The following MAP4K4 variants were observed in gnomAD, a reference collection of about 807,000 sequenced individuals.
MAP4K4 encodes mitogen-activated protein kinase kinase kinase kinase 4.
Under a neutral mutation model 189.6 loss-of-function variants are expected in MAP4K4, and 38 were observed. The observed-to-expected ratio is 0.20, with a 90% CI of 0.15 to 0.26. The LOEUF is 0.26. Ranked by LOEUF, MAP4K4 falls within the 10% of genes least tolerant of loss-of-function variation. MAP4K4 has a pLI of 1.00. For missense variants in MAP4K4, 1,054 were observed against 1,726.9 expected, an observed-to-expected ratio of 0.61 and a Z score of 6.91; for synonymous variants, 610 against 624.3, an observed-to-expected ratio of 0.98 and a Z score of 0.34.
intron 3 of MAP4K4, among the ~76,000 whole-genome samples, chr2:101,813,295 A>C (rs1237148574): frequency 6.6e-6 from 1 of 152,200 alleles, no homozygotes; most frequent in African/African-American, 2.4e-5. Flanking sequence ...GATAAAATAC[A>C]AATAGTACTC....
chr2:101,823,612 C>T (rs1054174317), intron 3 of MAP4K4, among the ~76,000 whole-genome samples: 6 of 152,116 alleles, frequency 3.9e-5, no homozygotes, highest in Admixed American at 6.5e-5. Flanking sequence ...CTGAACAAAC[C>T]GAGGCTCAGA....
At chr2:101,731,151 C>A (rs2058287481) in intron 2 of MAP4K4, among the ~76,000 whole-genome samples, 1 of 151,644 alleles carries the variant, frequency 6.6e-6, no homozygotes, top group South Asian at 2.1e-4. Context: ...CAGTTTCATT[C>A]TGCTGCCCAG....
At chr2:101,783,282 A>G (rs571698437) in intron 2 of MAP4K4, among the ~76,000 whole-genome samples, 3 of 12,204 alleles carry the variant, frequency 2.5e-4, no homozygotes, top group African/African-American at 1.3e-3. Context: ...GTTTTTCTGG[A>G]AAAAAAAAAG....
chr2:101,754,205 A>G (rs2070904744), intron 2 of MAP4K4, among the ~76,000 whole-genome samples: 1 of 152,172 alleles, frequency 6.6e-6, no homozygotes, highest in Non-Finnish European at 1.5e-5. Flanking sequence ...GTCATCTCTT[A>G]CTAGTCAGTA....
intron 2 of MAP4K4, among the ~76,000 whole-genome samples, chr2:101,720,185 GTTTT>G (rs35562520): frequency 7.3e-6 from 1 of 136,432 alleles, no homozygotes. Flanking sequence ...GGTCAGTGGT[GTTTT>G]TTTTTTTTTT....
At chr2:101,818,470 T>C (rs1286385032) in intron 3 of MAP4K4, among the ~76,000 whole-genome samples, 1 of 152,210 alleles carries the variant, frequency 6.6e-6, no homozygotes, top group Non-Finnish European at 1.5e-5. Context: ...TCAGAACATT[T>C]TCCAGTCCTC....
chr2:101,856,944 C>A (rs1057494343), intron 13 of MAP4K4, among the ~76,000 whole-genome samples: 1 of 152,184 alleles, frequency 6.6e-6, no homozygotes, highest in Non-Finnish European at 1.5e-5. Context: ...CTTGGGCTTT[C>A]TAAGCTTGGG....
In MAP4K4 at chr2:101,839,810, T is replaced by G; in HGVS notation, c.774-9T>G. 6.4e-7 allele frequency: 1 copy of G among 1,565,792 alleles called. No homozygotes were observed. ...GTGGAAATTTGATGATCTTTTTCAC[T>G]TCTTACAGGTCGAAGAAGTTTTTTA... is the stretch of plus-strand genomic sequence containing the variant. On this transcript the variant is annotated splice_polypyrimidine_tract_variant and intron_variant, in intron 9 of 32. Transcript: ENST00000324219.
chr2:101,755,156 T>A (rs1430413847), intron 2 of MAP4K4, among the ~76,000 whole-genome samples: 5 of 151,504 alleles, frequency 3.3e-5, no homozygotes, highest in Non-Finnish European at 5.9e-5. Context: ...AAAAAAAAAA[T>A]TAGTTTGTTG....
chr2:101,858,879 C>CA, intron 13 of MAP4K4, 117 bp from the exon 14 acceptor site: 1 of 688,330 alleles, frequency 1.5e-6, no homozygotes, highest in Non-Finnish European at 2.5e-6. Flanking sequence ...AGGTATTTAC[C>CA]ACTAAGTGAA....
chr2:101,790,044 A>C (rs576581404), intron 2 of MAP4K4, among the ~76,000 whole-genome samples: 2 of 152,150 alleles, frequency 1.3e-5, no homozygotes, highest in Non-Finnish European at 2.9e-5. Flanking sequence ...AGTTGGTGGG[A>C]GGAGGGAAAT....
intron 2 of MAP4K4, among the ~76,000 whole-genome samples, chr2:101,701,226 G>T (rs1205647686): frequency 6.6e-6 from 1 of 152,144 alleles, no homozygotes; most frequent in Non-Finnish European, 1.5e-5. Flanking sequence ...ATATTTACAT[G>T]AAGTGAGTGA....
rs1238074478 is a variant in MAP4K4 at position 101,859,096 on chromosome 2, T to C, written c.1482+14T>C. On this transcript the variant is annotated intron_variant, in intron 14 of 32. Transcript: ENST00000324219. The stretch of plus-strand genomic sequence containing the variant: ...GCCATGTTACTGGTAAAGCCCCGCC[T>C]CTGTTTCATTCTGTAGCATCAGGGC... The C allele has an allele frequency of 6.2e-7, 1 of 1,602,254 alleles. No individual in the cohort carries two copies. Among genetic ancestry groups the C allele is most frequent in the African/African-American group, 1.3e-5 (1 of 74,752 alleles).
At chr2:101,813,046 G>A (rs1057319366) in intron 3 of MAP4K4, among the ~76,000 whole-genome samples, 7 of 152,196 alleles carry the variant, frequency 4.6e-5, no homozygotes, top group Admixed American at 2.6e-4. Context: ...GGAGAATGGC[G>A]TGAACCCAGG....
intron 2 of MAP4K4, among the ~76,000 whole-genome samples, chr2:101,727,251 C>A (rs2055949086): frequency 2.0e-5 from 3 of 151,764 alleles, no homozygotes; most frequent in Admixed American, 2.0e-4. Flanking sequence ...TGTAGAAATG[C>A]AAACAGTGAA....
exon 4 of MAP4K4, chr2:101,824,050 C>T: frequency 7.1e-7 from 1 of 1,416,902 alleles, no homozygotes; most frequent in Non-Finnish European, 9.4e-7. Context: ...ATGACCAACT[C>T]TGGGTAGGTG....
chr2:101,741,176 T>C (rs1158375742), intron 2 of MAP4K4, among the ~76,000 whole-genome samples: 2 of 149,094 alleles, frequency 1.3e-5, no homozygotes, highest in African/African-American at 4.9e-5. Flanking sequence ...TTTTTTTTTT[T>C]TTTTTTTTTG....
At chr2:101,720,294 T>G (rs1175002947) in intron 2 of MAP4K4, among the ~76,000 whole-genome samples, 2 of 151,378 alleles carry the variant, frequency 1.3e-5, no homozygotes, top group Non-Finnish European at 2.9e-5. Context: ...CTCCCTCAGC[T>G]TCCTGAGTCG....
At chr2:101,771,983 G>A (rs1288244816) in intron 2 of MAP4K4, among the ~76,000 whole-genome samples, 1 of 152,196 alleles carries the variant, frequency 6.6e-6, no homozygotes, top group African/African-American at 2.4e-5. Flanking sequence ...GGTCAGCAGG[G>A]TTTCTCTGTG....
Sources: gnomAD v4.1 joint callset for allele counts (sites outside exome capture counted in the v4.1 genomes callset) on GRCh38, gnomAD v4.1.1 for gene constraint, MANE v1.5 for transcripts, NCBI Gene and HGNC (gene_info 2026-07-23, HGNC 2026-07-21) for gene names.